Variants in AGPAT3 observed in about 807,000 individuals in gnomAD.
The protein encoded by AGPAT3 is 1-acyl-sn-glycerol-3-phosphate acyltransferase gamma.
AGPAT3 carries 5 observed loss-of-function variants against 47.3 expected under a neutral mutation model. The observed-to-expected ratio is 0.11, with a 90% CI of 0.06 to 0.22. AGPAT3 has a LOEUF of 0.22. AGPAT3 is among the 10% of genes least tolerant of loss of function. The probability of loss-of-function intolerance (pLI) is 1.00; values close to 1 mark genes in which losing one functional copy is unlikely to be tolerated. For synonymous variants in AGPAT3, 212 were observed against 208.3 expected, an observed-to-expected ratio of 1.02 and a Z score of -0.15; for missense variants, 315 against 493.0, an observed-to-expected ratio of 0.64 and a Z score of 3.42.
intron 1 of AGPAT3, among the ~76,000 whole-genome samples, chr21:43,882,980 C>T (rs890716925): frequency 1.3e-5 from 2 of 152,256 alleles, no homozygotes; most frequent in African/African-American, 2.4e-5. Flanking sequence ...ACCAGGCCCA[C>T]ACCTCCACGC....
At chr21:43,942,064 G>C (rs1225899389) in intron 2 of AGPAT3, among the ~76,000 whole-genome samples, 13 of 152,250 alleles carry the variant, frequency 8.5e-5, no homozygotes, top group Admixed American at 8.5e-4. Context: ...CAGGTCTTCA[G>C]TAAGTTAGCT....
chr21:43,982,415 C>A lies in AGPAT3; in HGVS notation c.*23C>A, dbSNP rs374764288. On this transcript the variant is annotated 3_prime_UTR_variant, in exon 10 of 10. Coordinates refer to ENST00000291572, the MANE Select transcript of AGPAT3 (RefSeq NM_020132.5). The surrounding 1 kb of genome is among the most constrained non-coding windows in gnomAD (Gnocchi z 6.2). ...TAATTAATGGCTGTGACTGAACACA[C>A]GCGGCCCTGACGGTGGTATCCAGTT... The A allele has an allele frequency of 1.9e-6, 3 of 1,566,182 alleles. No homozygotes were observed. The highest frequency in any genetic ancestry group is 2.2e-5 in the East Asian group (1 of 44,618).
rs995663070 is a variant in AGPAT3, at chr21:43,982,728, G to A, written c.*336G>A. On this transcript the variant is annotated 3_prime_UTR_variant, in exon 10 of 10. Coordinates refer to ENST00000291572, the MANE Select transcript of AGPAT3 (RefSeq NM_020132.5). This position sits in a 1 kb window ranked among gnomAD's most constrained non-coding sequence, Gnocchi z 6.2. ...CCTTAAACTTAGATCAAATTTTTTG[G>A]TTTTTAATCAGTTATCTTGGGAACT... 2 of 195,444 alleles carry A rather than the reference G, an allele frequency of 1.0e-5. No homozygotes were observed. Among genetic ancestry groups the A allele is most frequent in the African/African-American group, 4.8e-5 (2 of 41,994 alleles). The allele number at this position is 195,444 out of a possible 1,614,324, so 12.1% of individuals were successfully genotyped here. A position where few individuals can be genotyped will look rare whatever the true frequency, so the allele number is the denominator to read the frequency against.
In AGPAT3 at chr21:43,934,459, A is replaced by G. The variant is rs2087365282; in HGVS notation, c.-48-25175A>G. 6.6e-6 allele frequency among the ~76,000 whole-genome samples: 1 copy of G among 152,266 alleles called. No individual in the cohort carries two copies. The highest frequency in any genetic ancestry group is 2.1e-4 in the South Asian group (1 of 4,834). On this transcript the variant is annotated intron_variant, in intron 2 of 9. Transcript: ENST00000291572. The surrounding 1 kb of genome is among the most constrained non-coding windows in gnomAD (Gnocchi z 4.7). Reference sequence around the variant, plus strand: ...GCAGCGCAACCTCGTTGGTAGAGTCAGGAGGCTGGGCCTCCACTAGGATGT... The same window carrying G: ...GCAGCGCAACCTCGTTGGTAGAGTCGGGAGGCTGGGCCTCCACTAGGATGT...
At chr21:43,876,141 CTT>C (rs562680418) in intron 1 of AGPAT3, among the ~76,000 whole-genome samples, 1 of 152,020 alleles carries the variant, frequency 6.6e-6, no homozygotes. Context: ...TGAAAGTTCT[CTT>C]TGTTTTTTTC....
At chr21:43,956,301 C>T (rs1026499480) in intron 2 of AGPAT3, among the ~76,000 whole-genome samples, 7 of 152,206 alleles carry the variant, frequency 4.6e-5, no homozygotes, top group Non-Finnish European at 7.3e-5. Context: ...TGTGTCTGGG[C>T]GAGCACTGAC....
intron 2 of AGPAT3, among the ~76,000 whole-genome samples, chr21:43,913,726 A>G (rs559287885): frequency 1.3e-5 from 2 of 152,216 alleles, no homozygotes; most frequent in South Asian, 4.2e-4. Context: ...CTGCTGGGAG[A>G]CAGTCACTCC....
intron 2 of AGPAT3, among the ~76,000 whole-genome samples, chr21:43,957,854 C>G (rs1226996370): frequency 6.6e-6 from 1 of 151,864 alleles, no homozygotes; most frequent in Non-Finnish European, 1.5e-5. Context: ...GGTTGTAGGG[C>G]CGCTCAGTAG....
At chr21:43,884,411 C>G (rs1163493403) in intron 1 of AGPAT3, among the ~76,000 whole-genome samples, 5 of 152,180 alleles carry the variant, frequency 3.3e-5, no homozygotes, top group Non-Finnish European at 7.3e-5. Flanking sequence ...GACCTCGTCC[C>G]TGTTTTCTGC....
chr21:43,900,456 C>T (rs916068333), intron 1 of AGPAT3, among the ~76,000 whole-genome samples: 4 of 152,252 alleles, frequency 2.6e-5, no homozygotes, highest in South Asian at 2.1e-4. Context: ...AGTAGCCCAG[C>T]GTGTCACCTG....
chr21:43,943,353 C>G (rs1408535578), intron 2 of AGPAT3, among the ~76,000 whole-genome samples: 2 of 152,140 alleles, frequency 1.3e-5, no homozygotes, highest in Non-Finnish European at 2.9e-5. Context: ...GGATTACAGG[C>G]GTGAGCCACT....
At chr21:43,875,672 A>G (rs1009847531) in intron 1 of AGPAT3, among the ~76,000 whole-genome samples, 3 of 152,176 alleles carry the variant, frequency 2.0e-5, no homozygotes, top group Admixed American at 6.5e-5. Flanking sequence ...CAGTGGTGCA[A>G]TCTTGGCTCA....
At chr21:43,894,899 C>T (rs1246528711) in intron 1 of AGPAT3, among the ~76,000 whole-genome samples, 1 of 152,118 alleles carries the variant, frequency 6.6e-6, no homozygotes, top group African/African-American at 2.4e-5. Context: ...TGATTCGCAC[C>T]TCCTCTCTTT....
At chr21:43,927,369 A>G (rs1185681390) in intron 2 of AGPAT3, among the ~76,000 whole-genome samples, 1 of 152,058 alleles carries the variant, frequency 6.6e-6, no homozygotes, top group Non-Finnish European at 1.5e-5. Flanking sequence ...GAAATGTTCT[A>G]TTGCAGCTGA....
intron 1 of AGPAT3, among the ~76,000 whole-genome samples, chr21:43,894,724 C>T (rs2086177078): frequency 6.6e-6 from 1 of 152,206 alleles, no homozygotes; most frequent in Non-Finnish European, 1.5e-5. Context: ...CTCTCTTCCT[C>T]TCTGCCCCTG....
intron 2 of AGPAT3, among the ~76,000 whole-genome samples, chr21:43,937,617 G>A (rs1309167370): frequency 2.6e-5 from 4 of 152,164 alleles, no homozygotes; most frequent in Admixed American, 2.6e-4. Context: ...AGGCTTAAGT[G>A]CAGTGGCGCA....
intron 1 of AGPAT3, chr21:43,866,621 C>T (rs1390386133): frequency 6.6e-6 from 1 of 152,218 alleles, no homozygotes; most frequent in Admixed American, 6.5e-5. Flanking sequence ...CAGAGTTCGG[C>T]GTTAGCCTGT....
At chr21:43,961,630 C>G (rs533403621) in intron 3 of AGPAT3, among the ~76,000 whole-genome samples, 1 of 145,282 alleles carries the variant, frequency 6.9e-6, no homozygotes, top group African/African-American at 2.6e-5. Flanking sequence ...ATATGGGAAA[C>G]GGTGAGCGCG....
At chr21:43,872,669 T>C (rs1415139742) in intron 1 of AGPAT3, among the ~76,000 whole-genome samples, 1 of 152,236 alleles carries the variant, frequency 6.6e-6, no homozygotes, top group Non-Finnish European at 1.5e-5. Context: ...TGTTTCTTCC[T>C]TATATCTTTC....
Sources: allele counts gnomAD v4.1 joint callset (sites outside exome capture counted in the v4.1 genomes callset), GRCh38; gene constraint gnomAD v4.1.1; non-coding constraint Gnocchi (gnomAD v3.1); transcripts MANE v1.5; gene names NCBI Gene and HGNC (gene_info 2026-07-23, HGNC 2026-07-21).